The following PRKG1 variants were observed in gnomAD, a reference collection of about 807,000 sequenced individuals.
The protein encoded by PRKG1 is protein kinase cGMP-dependent 1, also known as cGMP-dependent protein kinase 1.
PRKG1 carries 35 observed loss-of-function variants against 88.1 expected under a neutral mutation model. That is an observed-to-expected ratio of 0.40 (90% CI 0.30 to 0.53). The LOEUF (loss-of-function observed/expected upper bound fraction) is 0.53. Ranked by LOEUF, PRKG1 falls within the 20% of genes least tolerant of loss-of-function variation. The pLI is 0.59. For synonymous variants in PRKG1, 303 were observed against 292.5 expected, an observed-to-expected ratio of 1.04 and a Z score of -0.37; for missense variants, 540 against 839.8, an observed-to-expected ratio of 0.64 and a Z score of 4.41.
At chr10:50,994,479 C>T (rs1204913957) in intron 1 of PRKG1, among the ~76,000 whole-genome samples, 2 of 143,886 alleles carry the variant, frequency 1.4e-5, no homozygotes, top group African/African-American at 2.6e-5. Flanking sequence ...GTGCGATCTC[C>T]GGCTCACTGC....
At chr10:51,760,075 G>A (rs1370540122) in intron 3 of PRKG1, among the ~76,000 whole-genome samples, 1 of 152,102 alleles carries the variant, frequency 6.6e-6, no homozygotes. Flanking sequence ...GTCATCTAAG[G>A]CACTGCAGAG....
At chr10:51,241,329 C>T (rs1207695621) in intron 2 of PRKG1, among the ~76,000 whole-genome samples, 1 of 151,084 alleles carries the variant, frequency 6.6e-6, no homozygotes, top group Non-Finnish European at 1.5e-5. Flanking sequence ...AGCCAAAGAA[C>T]CTCCTTTAGC....
intron 5 of PRKG1, among the ~76,000 whole-genome samples, chr10:51,965,508 A>G (rs1221693041): frequency 6.6e-6 from 1 of 152,194 alleles, no homozygotes. Context: ...GGGAAGAATC[A>G]TTTGATGATG....
intron 2 of PRKG1, among the ~76,000 whole-genome samples, chr10:51,181,889 G>T (rs566325344): frequency 1.1e-4 from 16 of 152,148 alleles, no homozygotes; most frequent in Non-Finnish European, 2.4e-4. Context: ...ATGAAAGTTG[G>T]ATTGCAACAG....
chr10:51,803,806 C>T (rs867538450), intron 3 of PRKG1, among the ~76,000 whole-genome samples: 53 of 152,216 alleles, frequency 3.5e-4, no homozygotes, highest in African/African-American at 1.3e-3. Context: ...TAAGAAATCT[C>T]TCATATGCCA....
At chr10:52,258,519 A>G (rs1356525118) in intron 10 of PRKG1, among the ~76,000 whole-genome samples, 2 of 151,896 alleles carry the variant, frequency 1.3e-5, no homozygotes, top group Admixed American at 6.6e-5. Flanking sequence ...GAAAGAAGAC[A>G]AGAATAATGT....
chr10:52,117,244 C>T (rs1383263134), intron 7 of PRKG1, among the ~76,000 whole-genome samples: 5 of 146,034 alleles, frequency 3.4e-5, no homozygotes, highest in Non-Finnish European at 6.0e-5. Context: ...AAATGCCACT[C>T]TAAGAGTTAT....
At chr10:51,179,798 T>C (rs937513184) in intron 2 of PRKG1, among the ~76,000 whole-genome samples, 1 of 152,158 alleles carries the variant, frequency 6.6e-6, no homozygotes, top group African/African-American at 2.4e-5. Context: ...TTCCAGTGCT[T>C]GTTCTGCCCA....
intron 13 of PRKG1, among the ~76,000 whole-genome samples, chr10:52,281,724 A>G (rs1306132724): frequency 6.6e-6 from 1 of 152,164 alleles, no homozygotes; most frequent in Non-Finnish European, 1.5e-5. Flanking sequence ...AGCTTTTCAA[A>G]TAATTAATAC....
chr10:51,980,376 G>T (rs994355737), intron 5 of PRKG1, among the ~76,000 whole-genome samples: 4 of 152,144 alleles, frequency 2.6e-5, no homozygotes, highest in African/African-American at 7.2e-5. Flanking sequence ...TTTTGCATTT[G>T]CTGAGGAGTG....
intron 2 of PRKG1, among the ~76,000 whole-genome samples, chr10:51,159,208 A>G (rs765651763): frequency 6.6e-6 from 1 of 152,138 alleles, no homozygotes; most frequent in Admixed American, 6.6e-5. Context: ...GGGATTTTAT[A>G]TAAAATTGAA....
intron 3 of PRKG1, among the ~76,000 whole-genome samples, chr10:51,684,017 A>G (rs893316051): frequency 1.3e-5 from 2 of 152,318 alleles, no homozygotes; most frequent in Middle Eastern, 3.4e-3. Flanking sequence ...TGATGTAGCA[A>G]TTCTACTCCT....
intron 1 of PRKG1, among the ~76,000 whole-genome samples, chr10:51,057,977 C>A (rs1337943578): frequency 6.6e-6 from 1 of 152,108 alleles, no homozygotes; most frequent in Non-Finnish European, 1.5e-5. Context: ...TATACTCCCA[C>A]TAATAGTGGA....
At chr10:52,229,029 T>G (rs1194420126) in intron 9 of PRKG1, among the ~76,000 whole-genome samples, 1 of 152,242 alleles carries the variant, frequency 6.6e-6, no homozygotes, top group African/African-American at 2.4e-5. Context: ...CATGACATGA[T>G]GAAATGTTGC....
At chr10:51,406,809 T>C (rs897366513) in intron 2 of PRKG1, among the ~76,000 whole-genome samples, 1 of 152,136 alleles carries the variant, frequency 6.6e-6, no homozygotes, top group Non-Finnish European at 1.5e-5. Context: ...CAGAGTTCTC[T>C]AGAGGGAAAG....
At chr10:51,660,616 A>G (rs1157765096) in intron 3 of PRKG1, among the ~76,000 whole-genome samples, 1 of 152,106 alleles carries the variant, frequency 6.6e-6, no homozygotes, top group Non-Finnish European at 1.5e-5. Flanking sequence ...AGTTCAAATA[A>G]TAACTCTGAT....
At chr10:51,699,226 C>A in intron 3 of PRKG1, 1 of 1,614,074 alleles carries the variant, frequency 6.2e-7, no homozygotes, top group African/African-American at 1.3e-5. Flanking sequence ...CAATAATGGG[C>A]GCTGCAGGCC....
intron 2 of PRKG1, among the ~76,000 whole-genome samples, chr10:51,216,493 C>G (rs553887345): frequency 6.6e-6 from 1 of 152,160 alleles, no homozygotes; most frequent in South Asian, 2.1e-4. Context: ...TTCTCTGTGC[C>G]TGGGTTTCCT....
intron 3 of PRKG1, among the ~76,000 whole-genome samples, chr10:51,475,866 C>T (rs893931476): frequency 2.6e-5 from 4 of 151,916 alleles, no homozygotes; most frequent in East Asian, 1.9e-4. Flanking sequence ...GAAAAAATTT[C>T]GTTTGATTTT....
Sources: gnomAD v4.1 joint callset for allele counts (sites outside exome capture counted in the v4.1 genomes callset) on GRCh38, gnomAD v4.1.1 for gene constraint, MANE v1.5 for transcripts, NCBI Gene and HGNC (gene_info 2026-07-23, HGNC 2026-07-21) for gene names.